Variants in ATP11A observed in about 807,000 individuals in gnomAD.
ATP11A encodes phospholipid-transporting ATPase IH.
Under a neutral mutation model 154.4 loss-of-function variants are expected in ATP11A, and 81 were observed. The ratio of observed to expected loss-of-function variants is 0.52; its 90% CI spans 0.44 to 0.63. The LOEUF (loss-of-function observed/expected upper bound fraction) is 0.63. ATP11A is among the 30% of genes least tolerant of loss of function. The pLI, the probability that ATP11A is intolerant of heterozygous loss-of-function variation, is 0.00. For missense variants in ATP11A, 1,316 were observed against 1,474.3 expected, an observed-to-expected ratio of 0.89 and a Z score of 1.76; for synonymous variants, 623 against 585.9, an observed-to-expected ratio of 1.06 and a Z score of -0.91.
At chr13:112,735,979 C>A (rs1204840511) in intron 1 of ATP11A, among the ~76,000 whole-genome samples, 1 of 152,172 alleles carries the variant, frequency 6.6e-6, no homozygotes, top group Non-Finnish European at 1.5e-5. Context: ...ATGCCCAGAG[C>A]CTATGCAGAG....
At chr13:112,836,924 C>T (rs1233443938) in intron 16 of ATP11A, among the ~76,000 whole-genome samples, 1 of 152,230 alleles carries the variant, frequency 6.6e-6, no homozygotes, top group African/African-American at 2.4e-5. Context: ...CATCTGTGGT[C>T]CCCTGACCTC....
intron 1 of ATP11A, among the ~76,000 whole-genome samples, chr13:112,733,989 A>G (rs192530): frequency 0.23 from 35,186 of 152,146 alleles, 5,284 homozygotes; most frequent in African/African-American, 0.42. Flanking sequence ...TGTCAAACAA[A>G]TACTCATTGA....
chr13:112,831,909 C>A (rs1486009027), intron 13 of ATP11A, among the ~76,000 whole-genome samples: 1 of 151,700 alleles, frequency 6.6e-6, no homozygotes, highest in Non-Finnish European at 1.5e-5. Flanking sequence ...CTCACACATG[C>A]CCAGACACTG....
At chr13:112,722,312 AG>A (rs1211310093) in intron 1 of ATP11A, among the ~76,000 whole-genome samples, 2 of 21,830 alleles carry the variant, frequency 9.2e-5, no homozygotes, top group Non-Finnish European at 1.3e-4. Context: ...GCCCGGGGAG[AG>A]GGGGGCGGCC....
chr13:112,831,431 CA>C lies in ATP11A; in HGVS notation c.1280del (p.Lys427ArgfsTer29). 1 of 1,614,200 alleles carries C rather than the reference CA, an allele frequency of 6.2e-7. No individual in the cohort carries two copies. The highest frequency in any genetic ancestry group is 8.5e-7 in the Non-Finnish European group (1 of 1,180,028). Reference sequence around the variant, plus strand: ...CCCTCACGGAAAACAACATGGAGTTCAAGGAGTGCTGCATCGAAGGCCATGT... The same window carrying C: ...CCCTCACGGAAAACAACATGGAGTTCAGGAGTGCTGCATCGAAGGCCATGT... ...GTLTENNMEF[K>X]ECCIEGHVYV... On this transcript the variant is annotated frameshift_variant, in exon 13 of 30. Coordinates refer to ENST00000375645, the MANE Select transcript of ATP11A (RefSeq NM_015205.3). LOFTEE classifies it high-confidence loss of function.
intron 1 of ATP11A, among the ~76,000 whole-genome samples, chr13:112,736,380 C>T (rs1891004894): frequency 6.6e-6 from 1 of 152,142 alleles, no homozygotes; most frequent in South Asian, 2.1e-4. Flanking sequence ...AATCAGCTAA[C>T]TTTATAGGAA....
At chr13:112,704,628 G>A (rs1886947175) in intron 1 of ATP11A, among the ~76,000 whole-genome samples, 1 of 152,254 alleles carries the variant, frequency 6.6e-6, no homozygotes, top group Non-Finnish European at 1.5e-5. Flanking sequence ...GCTTGCCTGA[G>A]TCTGAGATGG....
At chr13:112,797,013 C>T (rs955652506) in intron 2 of ATP11A, among the ~76,000 whole-genome samples, 2 of 152,004 alleles carry the variant, frequency 1.3e-5, no homozygotes, top group Non-Finnish European at 2.9e-5. Context: ...GTAATCCTGG[C>T]GCTTTGGGAG....
chr13:112,771,507 C>CT (rs1165464675), intron 1 of ATP11A, among the ~76,000 whole-genome samples: 1 of 152,082 alleles, frequency 6.6e-6, no homozygotes, highest in East Asian at 1.9e-4. Context: ...AGAATAATCT[C>CT]TTTTTTTTCT....
rs373853714 is a variant in ATP11A at position 112,863,498 on chromosome 13, G to A, written c.2991+923G>A. On this transcript the variant is annotated intron_variant, in intron 25 of 29. Transcript: ENST00000375645. ...AGTGCAGCCCATGCAGCTTCCCAGC[G>A]GGGTCCATCACCACGTGCGCAATAA... 4.9e-3 allele frequency among the ~76,000 whole-genome samples: 723 copies of A among 146,982 alleles called. 6 individuals carry two copies. The highest frequency in any genetic ancestry group is 7.9e-3 in the Non-Finnish European group (523 of 66,570).
chr13:112,724,091 C>T (rs1033386360), intron 1 of ATP11A, among the ~76,000 whole-genome samples: 3 of 150,454 alleles, frequency 2.0e-5, no homozygotes, highest in Non-Finnish European at 4.4e-5. Context: ...GGACCAGCCC[C>T]TATCGTCCCC....
chr13:112,697,935 C>T lies in ATP11A; in HGVS notation c.39+7480C>T, dbSNP rs1886073449. ...AGAACTAGACTCTGATCCCTGGAAA[C>T]AACATGCCAACCTCTGGCATGCAGG... On this transcript the variant is annotated intron_variant, in intron 1 of 29. Coordinates refer to ENST00000375645, the MANE Select transcript of ATP11A (RefSeq NM_015205.3). This position sits in a 1 kb window ranked among gnomAD's most constrained non-coding sequence, Gnocchi z 4.0. Among the ~76,000 whole-genome samples, 1 of 152,096 alleles carries T rather than the reference C, an allele frequency of 6.6e-6. No homozygotes were observed. Among genetic ancestry groups the T allele is most frequent in the African/African-American group, 2.4e-5 (1 of 41,408 alleles).
rs573321880 is a variant in ATP11A at position 112,710,892 on chromosome 13, CAT to C, written c.39+20438_39+20439del. The stretch of plus-strand genomic sequence containing the variant: ...CCCTGGGGCTCTCCCAGCCCCGCGT[CAT>C]GTGAGGGGGCACTAGTCACAGTGCG... On this transcript the variant is annotated intron_variant, in intron 1 of 29. Coordinates refer to ENST00000375645, the MANE Select transcript of ATP11A (RefSeq NM_015205.3). Among the ~76,000 whole-genome samples, 154 of 152,346 alleles carry C rather than the reference CAT, an allele frequency of 1.0e-3. No individual in the cohort carries two copies. In the East Asian group the frequency reaches 0.012, roughly 12 times the overall value.
intron 17 of ATP11A, among the ~76,000 whole-genome samples, chr13:112,849,826 G>T (rs1389400661): frequency 6.6e-6 from 1 of 152,236 alleles, no homozygotes; most frequent in Admixed American, 6.5e-5. Context: ...CGTGTGCTCA[G>T]CAGGAGGTGA....
chr13:112,692,402 G>C (rs1158322829), intron 1 of ATP11A, among the ~76,000 whole-genome samples: 1 of 152,144 alleles, frequency 6.6e-6, no homozygotes, highest in Non-Finnish European at 1.5e-5. Context: ...GCCGGTTTCT[G>C]ACCCCTTCAT....
At chr13:112,707,502 G>A (rs530149514) in intron 1 of ATP11A, among the ~76,000 whole-genome samples, 2 of 151,954 alleles carry the variant, frequency 1.3e-5, no homozygotes, top group Non-Finnish European at 2.9e-5. Flanking sequence ...GCCTTTGGAA[G>A]TTGACAACGA....
rs2080955270 is a variant in ATP11A at position 112,885,203 on chromosome 13, A to G, written c.*3337A>G. The G allele has an allele frequency of 6.6e-6, 1 of 152,146 alleles. No homozygotes were observed. Among genetic ancestry groups the G allele is most frequent in the African/African-American group, 2.4e-5 (1 of 41,388 alleles). The allele number at this position is 152,146 out of a possible 1,614,324, so 9.4% of individuals were successfully genotyped here. A position where few individuals can be genotyped will look rare whatever the true frequency, so the allele number is the denominator to read the frequency against. On this transcript the variant is annotated 3_prime_UTR_variant, in exon 30 of 30. Coordinates refer to ENST00000375645, the MANE Select transcript of ATP11A (RefSeq NM_015205.3). ...ACACAATACATATGCACATATCATG[A>G]ACAGCGTAAGTTCCTACACACGGAC...
At chr13:112,826,634 T>G in intron 11 of ATP11A, 60 bp from the exon 12 acceptor site, 1 of 1,342,122 alleles carries the variant, frequency 7.5e-7, no homozygotes, top group South Asian at 1.2e-5. Flanking sequence ...TAGAGCAGCA[T>G]GTTGGAGGCC....
chr13:112,804,681 T>A (rs1041158478), intron 2 of ATP11A, among the ~76,000 whole-genome samples: 1 of 151,816 alleles, frequency 6.6e-6, no homozygotes, highest in Admixed American at 6.6e-5. Context: ...TTACGTTTTA[T>A]AAAAGACATC....
Sources: gnomAD v4.1 joint callset for allele counts (sites outside exome capture counted in the v4.1 genomes callset) on GRCh38, gnomAD v4.1.1 for gene constraint, Gnocchi (gnomAD v3.1) non-coding constraint, MANE v1.5 for transcripts, NCBI Gene and HGNC (gene_info 2026-07-23, HGNC 2026-07-21) for gene names.